The following SORCS2 variants were observed in gnomAD, a reference collection of about 807,000 sequenced individuals.
SORCS2 encodes the protein sortilin related VPS10 domain containing receptor 2, also known as VPS10 domain-containing receptor SorCS2.
SORCS2 carries 100 observed loss-of-function variants against 141.6 expected under a neutral mutation model. The ratio of observed to expected loss-of-function variants is 0.71; its 90% CI spans 0.60 to 0.83. SORCS2 has a LOEUF of 0.83. SORCS2 is among the 40% of genes least tolerant of loss of function. The probability of loss-of-function intolerance (pLI) is 0.00; values close to 1 mark genes in which losing one functional copy is unlikely to be tolerated. For synonymous variants in SORCS2, 789 were observed against 676.9 expected, an observed-to-expected ratio of 1.17 and a Z score of -2.57; for missense variants, 1,646 against 1,560.2, an observed-to-expected ratio of 1.05 and a Z score of -0.93.
chr4:7,436,366 C>G (rs1009950747), intron 2 of SORCS2, among the ~76,000 whole-genome samples: 3 of 152,210 alleles, frequency 2.0e-5, no homozygotes, highest in Non-Finnish European at 4.4e-5. Flanking sequence ...GGCACCCACT[C>G]GCATCCCACC....
chr4:7,697,961 C>T (rs1486251707), intron 12 of SORCS2, among the ~76,000 whole-genome samples: 6 of 152,148 alleles, frequency 3.9e-5, no homozygotes, highest in Admixed American at 2.0e-4. Flanking sequence ...AGCTCAGATT[C>T]GCAGACCAGA....
At chr4:7,255,508 C>T (rs894999345) in intron 1 of SORCS2, among the ~76,000 whole-genome samples, 4 of 151,948 alleles carry the variant, frequency 2.6e-5, no homozygotes, top group Admixed American at 6.6e-5. Context: ...TGATGGGGGT[C>T]CAGCCCTTCT....
intron 1 of SORCS2, among the ~76,000 whole-genome samples, chr4:7,349,829 C>T (rs922014312): frequency 1.3e-5 from 2 of 152,190 alleles, no homozygotes; most frequent in South Asian, 2.1e-4. Context: ...CTGTGAACTT[C>T]ACTCTAACTG....
At position 7,359,166 on chromosome 4, in the gene SORCS2, C is replaced by T. The variant is rs375502712; in HGVS notation, c.481-37122C>T. On this transcript the variant is annotated intron_variant, in intron 1 of 26. Transcript: ENST00000507866. ...CAAAAATTAGCCAAGTGTGATGGTG[C>T]ATGCCTGTAGTCCCAGCTACTCAGG... Among the ~76,000 whole-genome samples the T allele has an allele frequency of 8.4e-4, 128 of 152,280 alleles. 1 individual carries two copies. The highest frequency in any genetic ancestry group is 3.0e-3 in the African/African-American group (124 of 41,570).
At chr4:7,320,666 G>A (rs1718841534) in intron 1 of SORCS2, among the ~76,000 whole-genome samples, 1 of 152,156 alleles carries the variant, frequency 6.6e-6, no homozygotes, top group African/African-American at 2.4e-5. Context: ...TGATGAGGTT[G>A]GCCAGAGTCA....
At chr4:7,643,384 C>T (rs1398732183) in intron 4 of SORCS2, among the ~76,000 whole-genome samples, 1 of 152,218 alleles carries the variant, frequency 6.6e-6, no homozygotes, top group Non-Finnish European at 1.5e-5. Context: ...CTTGCTGAGG[C>T]AGAACCCTGG....
chr4:7,708,506 C>T (rs1022859037), intron 14 of SORCS2, among the ~76,000 whole-genome samples: 6 of 152,160 alleles, frequency 3.9e-5, no homozygotes, highest in Non-Finnish European at 5.9e-5. Flanking sequence ...CGTGTGTTCT[C>T]GATGGCATGC....
intron 1 of SORCS2, among the ~76,000 whole-genome samples, chr4:7,378,271 C>T (rs180751964): frequency 2.0e-4 from 31 of 152,282 alleles, no homozygotes; most frequent in African/African-American, 6.5e-4. Flanking sequence ...TGTGTATCAT[C>T]GGAGGGGTCC....
At chr4:7,706,938 AC>A (rs1309476992) in intron 14 of SORCS2, among the ~76,000 whole-genome samples, 1 of 152,048 alleles carries the variant, frequency 6.6e-6, no homozygotes, top group African/African-American at 2.4e-5. Flanking sequence ...ACCACCACTG[AC>A]CCCTGCTGCT....
intron 4 of SORCS2, among the ~76,000 whole-genome samples, chr4:7,650,658 G>GACAC (rs1721376576): frequency 6.6e-6 from 1 of 150,552 alleles, no homozygotes; most frequent in Non-Finnish European, 1.5e-5. Context: ...GGCCATGACA[G>GACAC]GGAGGCAGAC....
At chr4:7,445,419 C>G (rs1183803430) in intron 2 of SORCS2, among the ~76,000 whole-genome samples, 3 of 152,028 alleles carry the variant, frequency 2.0e-5, no homozygotes, top group Non-Finnish European at 4.4e-5. Flanking sequence ...GGGAGGGCAT[C>G]CTGGGAAGAG....
chr4:7,696,708 A>C (rs1724732534), intron 11 of SORCS2, among the ~76,000 whole-genome samples: 1 of 152,168 alleles, frequency 6.6e-6, no homozygotes. Context: ...ATGTCCACCC[A>C]GCAGATAGTG....
chr4:7,299,807 C>A (rs1717319573), intron 1 of SORCS2, among the ~76,000 whole-genome samples: 1 of 152,212 alleles, frequency 6.6e-6, no homozygotes, highest in South Asian at 2.1e-4. Flanking sequence ...TGCAACGGAC[C>A]CCTGAGCTCT....
rs192352151 is a variant in SORCS2, at chr4:7,226,754, C to A, written c.480+33628C>A. ...CACTGTGCCAGAGCTCATGGGCAGACCCTGCTCCGTTGGTGGGGGATGGAA... is the reference window on the plus strand; with the variant it reads ...CACTGTGCCAGAGCTCATGGGCAGAACCTGCTCCGTTGGTGGGGGATGGAA... On this transcript the variant is annotated intron_variant, in intron 1 of 26. Transcript: ENST00000507866. Among the ~76,000 whole-genome samples, 306 of 152,168 alleles carry A rather than the reference C, an allele frequency of 2.0e-3. 1 individual carries two copies. The highest frequency in any genetic ancestry group is 6.9e-3 in the African/African-American group (288 of 41,532).
rs371611629 is a variant in SORCS2 at position 7,680,799 on chromosome 4, C to T, written c.1342-1944C>T. ...AGCCTGCCCTGCCCCCCAACTCCCA[C>T]ATCCAATGAAGGCAGCCCTGAGTCT... On this transcript the variant is annotated intron_variant, in intron 9 of 26. Transcript: ENST00000507866. 6.8e-4 allele frequency among the ~76,000 whole-genome samples: 103 copies of T among 152,332 alleles called. 2 individuals carry two copies. In the South Asian group the frequency reaches 9.6e-3, roughly 14 times the overall value.
chr4:7,241,427 C>T (rs765820636), intron 1 of SORCS2, among the ~76,000 whole-genome samples: 1 of 152,182 alleles, frequency 6.6e-6, no homozygotes, highest in Non-Finnish European at 1.5e-5. Flanking sequence ...TATAGACCTC[C>T]TTTCTCCTCC....
At chr4:7,418,595 A>T (rs1725841861) in intron 2 of SORCS2, among the ~76,000 whole-genome samples, 1 of 152,196 alleles carries the variant, frequency 6.6e-6, no homozygotes. Context: ...TGTCTCAAAA[A>T]GTCTAGCTCA....
chr4:7,451,492 G>T (rs2109293879), intron 2 of SORCS2, among the ~76,000 whole-genome samples: 1 of 152,384 alleles, frequency 6.6e-6, no homozygotes, highest in Non-Finnish European at 1.5e-5. Flanking sequence ...GGAATACCCA[G>T]CTCTCAGACC....
chr4:7,217,891 G>T (rs771861069), intron 1 of SORCS2, among the ~76,000 whole-genome samples: 3 of 152,210 alleles, frequency 2.0e-5, no homozygotes, highest in Non-Finnish European at 2.9e-5. Context: ...GGGTGGCGAG[G>T]GTCGAGAGTC....
Sources: allele counts gnomAD v4.1 joint callset (sites outside exome capture counted in the v4.1 genomes callset), GRCh38; gene constraint gnomAD v4.1.1; transcripts MANE v1.5; gene names NCBI Gene and HGNC (gene_info 2026-07-23, HGNC 2026-07-21).